Variants in NBEA observed in about 807,000 individuals in gnomAD.
NBEA encodes the protein lysosomal-trafficking regulator 2.
Under a neutral mutation model 343.4 loss-of-function variants are expected in NBEA, and 44 were observed. That is an observed-to-expected ratio of 0.13 (90% CI 0.10 to 0.16). The LOEUF is 0.16. Among genes scored for constraint, NBEA ranks in the 10% least tolerant of loss-of-function variants. NBEA has a pLI of 1.00. For synonymous variants in NBEA, 1,175 were observed against 1,238.7 expected (o/e 0.95, Z 1.08); for missense variants, 2,555 against 3,631.3 (o/e 0.70, Z 7.62).
At chr13:35,258,500 T>A (rs951930867) in intron 34 of NBEA, among the ~76,000 whole-genome samples, 15 of 150,986 alleles carry the variant, frequency 9.9e-5, no homozygotes, top group African/African-American at 3.6e-4. Flanking sequence ...ATTTTTATGA[T>A]CCTTAAAAAC....
chr13:35,001,702 G>C (rs1385042287), intron 1 of NBEA, among the ~76,000 whole-genome samples: 2 of 152,034 alleles, frequency 1.3e-5, no homozygotes, highest in Non-Finnish European at 2.9e-5. Context: ...ATTGGTAAAA[G>C]GCTATTGTAA....
chr13:35,570,406 A>T (rs113652723), intron 45 of NBEA, among the ~76,000 whole-genome samples: 1,829 of 152,336 alleles, frequency 0.012, 5 homozygotes, highest in Middle Eastern at 0.024. Context: ...TGTGCCTCAC[A>T]TGTGCTCCTC....
At chr13:35,469,874 A>G (rs371466148) in intron 40 of NBEA, among the ~76,000 whole-genome samples, 1 of 152,230 alleles carries the variant, frequency 6.6e-6, no homozygotes, top group Admixed American at 6.5e-5. Flanking sequence ...CAAGTACTGT[A>G]TGGAAGATGT....
chr13:35,150,340 A>G (rs1030680295), intron 18 of NBEA, among the ~76,000 whole-genome samples: 1 of 152,206 alleles, frequency 6.6e-6, no homozygotes, highest in African/African-American at 2.4e-5. Context: ...AGAGTCTTCA[A>G]CATAAGCTTT....
chr13:35,334,760 T>G (rs544403920), intron 36 of NBEA, among the ~76,000 whole-genome samples: 5 of 152,364 alleles, frequency 3.3e-5, no homozygotes, highest in African/African-American at 1.2e-4. Context: ...TATTAATCCC[T>G]TGTCAGATAG....
intron 33 of NBEA, among the ~76,000 whole-genome samples, chr13:35,231,885 CATGTACCAAAGTAT>C (rs1406592428): frequency 2.0e-5 from 3 of 152,092 alleles, no homozygotes; most frequent in Non-Finnish European, 4.4e-5. Context: ...TTTACTTTTA[CATGTACCAAAGTAT>C]TTTTAAGAAT....
At chr13:35,549,976 T>G (rs747739225) in intron 41 of NBEA, among the ~76,000 whole-genome samples, 64 of 152,348 alleles carry the variant, frequency 4.2e-4, no homozygotes, top group Non-Finnish European at 7.1e-4. Flanking sequence ...AACTGAGTAG[T>G]TGCAACTGAG....
rs765893773 is a variant in NBEA at position 35,159,443 on chromosome 13, A to C, written c.3272A>C (p.Glu1091Ala). The C allele has an allele frequency of 3.7e-6, 6 of 1,613,448 alleles. No individual in the cohort carries two copies. In the South Asian group the frequency reaches 5.5e-5, roughly 15 times the overall value. Residue 1091 changes from glutamate (E) to alanine (A), a missense_variant, in exon 22 of 59, where the codon GAG becomes GCG. Transcript: ENST00000379939. ...LVGGENGALV[E>A]VESLLDNVYS... ...GGTGGAGAGAATGGTGCCCTTGTGG[A>C]GGTTGAATCTCTGTTGGATAATGTA...
chr13:35,114,008 A>G (rs2786226), intron 13 of NBEA, among the ~76,000 whole-genome samples: 5,178 of 152,204 alleles, frequency 0.034, 172 homozygotes, highest in East Asian at 0.14. Flanking sequence ...CTGAAACAAG[A>G]TGTTTCTGAC....
chr13:35,508,332 A>G (rs1017522990), intron 41 of NBEA, among the ~76,000 whole-genome samples: 6 of 152,204 alleles, frequency 3.9e-5, no homozygotes, highest in African/African-American at 1.4e-4. Context: ...TTTGAGGGAT[A>G]TTATAAGCCA....
intron 41 of NBEA, among the ~76,000 whole-genome samples, chr13:35,521,232 G>T (rs968950940): frequency 6.6e-6 from 1 of 151,898 alleles, no homozygotes; most frequent in African/African-American, 2.4e-5. Flanking sequence ...AAAGTTCCTA[G>T]TTTTACATCT....
chr13:35,353,226 AGGAGTT>A (rs1169566039), intron 38 of NBEA, among the ~76,000 whole-genome samples: 1 of 152,148 alleles, frequency 6.6e-6, no homozygotes, highest in Non-Finnish European at 1.5e-5. Context: ...ACCTGAGGTC[AGGAGTT>A]TGAGACCAGC....
chr13:34,958,564 C>T (rs2059568478), intron 1 of NBEA, among the ~76,000 whole-genome samples: 1 of 146,168 alleles, frequency 6.8e-6, no homozygotes, highest in African/African-American at 2.4e-5. Flanking sequence ...ATATTTCACA[C>T]CATGAATAGA....
intron 21 of NBEA, 126 bp downstream of exon 21, chr13:35,157,396 G>A: frequency 5.5e-6 from 4 of 724,900 alleles, no homozygotes; most frequent in Non-Finnish European, 4.0e-6. Flanking sequence ...TCTCAGTTTT[G>A]TATTTTTCCC....
chr13:35,145,192 T>C (rs146554337), intron 18 of NBEA, among the ~76,000 whole-genome samples: 1 of 152,320 alleles, frequency 6.6e-6, no homozygotes, highest in African/African-American at 2.4e-5. Context: ...TTTGGCACGG[T>C]TAGAGCTTCA....
intron 38 of NBEA, among the ~76,000 whole-genome samples, chr13:35,410,149 A>C (rs950231687): frequency 4.6e-5 from 7 of 152,154 alleles, no homozygotes; most frequent in Admixed American, 4.6e-4. Flanking sequence ...ATAAACAAAA[A>C]GTTGAAATGC....
intron 38 of NBEA, among the ~76,000 whole-genome samples, chr13:35,403,265 A>G (rs1555253858): frequency 6.6e-6 from 1 of 152,072 alleles, no homozygotes; most frequent in Non-Finnish European, 1.5e-5. Context: ...TTAATAACAA[A>G]TATTAATAAT....
chr13:35,411,431 A>G (rs1238123127), intron 38 of NBEA, among the ~76,000 whole-genome samples: 1 of 151,078 alleles, frequency 6.6e-6, no homozygotes, highest in African/African-American at 2.4e-5. Context: ...CTGCCTCTGC[A>G]GGCTTCATCT....
intron 10 of NBEA, among the ~76,000 whole-genome samples, chr13:35,095,337 ATTAG>A (rs1488221735): frequency 6.6e-6 from 1 of 150,958 alleles, no homozygotes; most frequent in African/African-American, 2.4e-5. Context: ...TTATAAACAA[ATTAG>A]TTATGTTTAT....
Sources: gnomAD v4.1 joint callset for allele counts (sites outside exome capture counted in the v4.1 genomes callset) on GRCh38, gnomAD v4.1.1 for gene constraint, MANE v1.5 for transcripts, NCBI Gene and HGNC (gene_info 2026-07-23, HGNC 2026-07-21) for gene names.